The following PLA2G4B variants were observed in gnomAD, a reference collection of about 807,000 sequenced individuals.
PLA2G4B encodes phospholipase A2 group IVB.
A neutral mutation model predicts 95.8 loss-of-function variants in PLA2G4B; 122 were observed. That is an observed-to-expected ratio of 1.27 (90% confidence interval 1.10 to 1.48). The LOEUF is 1.48. Among genes scored for constraint, PLA2G4B ranks in the 40% most tolerant of loss-of-function variants. The probability of loss-of-function intolerance (pLI) is 0.00; values close to 1 mark genes in which losing one functional copy is unlikely to be tolerated. For missense variants in PLA2G4B, 1,158 were observed against 996.2 expected (o/e 1.16, Z -2.19); for synonymous variants, 518 against 421.5 (o/e 1.23, Z -2.80).
chr15:41,847,871 C>CTGCAGTGCAGCGGAGG lies in PLA2G4B; in HGVS notation c.*11_*12insTGCAGTGCAGCGGAGG, dbSNP rs773924457. ...CGCAGGCCCCACTGATGGCCGGGGC[C>CTGCAGTGCAGCGGAGG]CCTGCCACCCCTAACTCTCATTCAT... On this transcript the variant is annotated 3_prime_UTR_variant, in exon 20 of 20. Coordinates refer to ENST00000458483, the MANE Select transcript of PLA2G4B (RefSeq NM_001114633.2). 1.9e-6 allele frequency: 3 copies of CTGCAGTGCAGCGGAGG among 1,609,356 alleles called. No individual in the cohort carries two copies. The African/African-American group carries it at 4.0e-5, about 21-fold the overall frequency.
rs1374475292 is a variant in PLA2G4B, at chr15:41,847,335, A to AGCAGTT, written c.1951_1956dup. The AGCAGTT allele has an allele frequency of 6.3e-7, 1 of 1,593,074 alleles. No individual in the cohort carries two copies. The highest frequency in any genetic ancestry group is 8.6e-7 in the Non-Finnish European group (1 of 1,166,638). On this transcript the variant is annotated splice_acceptor_variant, in intron 18 of 19. Transcript: ENST00000458483. LOFTEE classifies it high-confidence loss of function. Reference sequence around the variant, plus strand: ...CTGAAGCCCCTTCTGCCTGCCCTGCAGCAGTTGCAGCTCCTGGGCCGGTTC... The same window carrying AGCAGTT: ...CTGAAGCCCCTTCTGCCTGCCCTGCAGCAGTTGCAGTTGCAGCTCCTGGGCCGGTTC...
rs1298495939 is a variant in PLA2G4B, at chr15:41,841,862, G to A, written c.534G>A (p.Glu178=). ...RVQLVVPGSC[E]GPQEASVGTG... Reference sequence around the variant, plus strand: ...AGCTTGTGGTTCCTGGGTCCTGTGAGGGTCCGCAGGAGGCCTCTGTGGGCA... The same window carrying A: ...AGCTTGTGGTTCCTGGGTCCTGTGAAGGTCCGCAGGAGGCCTCTGTGGGCA... The change falls in exon 8 of 20, where the codon GAG becomes GAA. Residue 178 remains glutamate, a synonymous_variant. Transcript: ENST00000458483. 4 of 1,613,466 alleles carry A rather than the reference G, an allele frequency of 2.5e-6. No homozygotes were observed. Among genetic ancestry groups the A allele is most frequent in the Non-Finnish European group, 3.4e-6 (4 of 1,179,874 alleles).
rs79185588 is a variant in PLA2G4B at position 41,844,209 on chromosome 15, C to T, written c.880-262C>T. ...GGCCCTGGGGCTTCCAGAAAGTGAG[C>T]GTCAGGCTCGGGGGCTGAGGGCAAG... On this transcript the variant is annotated intron_variant, in intron 11 of 19. Transcript: ENST00000458483. Among the ~76,000 whole-genome samples the T allele has an allele frequency of 5.2e-4, 79 of 152,304 alleles. 1 individual carries two copies. The East Asian group carries it at 0.014, about 26-fold the overall frequency.
intron 10 of PLA2G4B, chr15:41,843,350 G>A (rs2140892774): frequency 8.2e-6 from 2 of 243,608 alleles, no homozygotes; most frequent in Admixed American, 5.5e-5. Context: ...TTTGAACTCC[G>A]TGGGTAAGGG....
At chr15:41,840,418 C>T in intron 2 of PLA2G4B, 106 bp from the exon 3 acceptor site, 1 of 1,596,048 alleles carries the variant, frequency 6.3e-7, no homozygotes, top group Non-Finnish European at 8.5e-7. Context: ...CACTTCCCCT[C>T]CCCCTCAGTC....
Position 41,840,551 on chromosome 15 carries a change from T to C in PLA2G4B, c.110T>C (p.Leu37Pro). 6.2e-7 allele frequency: 1 copy of C among 1,613,902 alleles called. No homozygotes were observed. Among genetic ancestry groups the C allele is most frequent in the Non-Finnish European group, 8.5e-7 (1 of 1,180,016 alleles). ...ACCCCCTCTGACTGCTACGTGACTC[T>C]CTGGCTGCCCACGGCCTGCAGCCAC... Reference protein sequence around the residue: ...LVTPSDCYVTLWLPTACSHRL... With the variant: ...LVTPSDCYVTPWLPTACSHRL... Residue 37 changes from leucine (L) to proline (P), a missense_variant, in exon 3 of 20, where the codon CTC (leucine) becomes CCC (proline). Physicochemically the swap from Leu to Pro is moderately conservative, Grantham distance 98. Transcript: ENST00000458483.
rs761049094 is a variant in PLA2G4B at position 41,848,045 on chromosome 15, A to G, written c.*185A>G. On this transcript the variant is annotated 3_prime_UTR_variant, in exon 20 of 20. Coordinates refer to ENST00000458483, the MANE Select transcript of PLA2G4B (RefSeq NM_001114633.2). Reference sequence around the variant, plus strand: ...GCAGTGGGGTAAGGAGGCCAAGCCCATTTGTGTAATCACCCAAAACCCCCC... The same window carrying G: ...GCAGTGGGGTAAGGAGGCCAAGCCCGTTTGTGTAATCACCCAAAACCCCCC... 5 of 768,974 alleles carry G rather than the reference A, an allele frequency of 6.5e-6. No homozygotes were observed. The East Asian group carries it at 8.1e-5, about 12-fold the overall frequency. The allele number at this position is 768,974 out of a possible 1,614,324, so 47.6% of individuals were successfully genotyped here.
intron 18 of PLA2G4B, 104 bp from the exon 19 acceptor site, chr15:41,847,233 C>A: frequency 6.8e-7 from 1 of 1,480,782 alleles, no homozygotes; most frequent in Non-Finnish European, 9.0e-7. Context: ...CACTGGAGAC[C>A]GTTTTGGCAT....
At chr15:41,845,806 G>A in intron 15 of PLA2G4B, 31 bp downstream of exon 15, 3 of 1,565,666 alleles carry the variant, frequency 1.9e-6, no homozygotes, top group Non-Finnish European at 2.6e-6. Flanking sequence ...GGGGAAGCTG[G>A]GCCGAGCAGG....
intron 18 of PLA2G4B, 111 bp from the exon 19 acceptor site, chr15:41,847,226 T>C: frequency 6.8e-7 from 1 of 1,472,730 alleles, no homozygotes. Flanking sequence ...TAGGCCCCAC[T>C]GGAGACCGTT....
At chr15:41,844,645 CA>C in intron 12 of PLA2G4B, 38 bp downstream of exon 12, 8 of 1,613,074 alleles carry the variant, frequency 5.0e-6, no homozygotes, top group Non-Finnish European at 6.8e-6. Context: ...CCCTGTGTGG[CA>C]GGGGGTGCTG....
In PLA2G4B at chr15:41,846,671, A is replaced by G; in HGVS notation, c.1783A>G (p.Thr595Ala). 1 of 1,605,012 alleles carries G rather than the reference A, an allele frequency of 6.2e-7. No homozygotes were observed. Among genetic ancestry groups the G allele is most frequent in the Non-Finnish European group, 8.5e-7 (1 of 1,173,874 alleles). ...QHPHFSTWKA[T>A]TLDGLPNQLT... ...TGCTGCTCTCCCCAACCTTCCAGCT[A>G]CCACTCTGGATGGGCTCCCCAACCA... Residue 595 changes from threonine to alanine, a missense_variant and splice_region_variant, in exon 18 of 20, where the codon ACC (threonine) becomes GCC (alanine). By Grantham distance (58) the Thr-to-Ala change is moderately conservative. Transcript: ENST00000458483.
chr15:41,843,712 C>G lies in PLA2G4B; in HGVS notation c.780C>G (p.Pro260=). ...RELAVRLGFG[P]CAEEQAFLSR... ...TGGCCGTGCGACTGGGCTTCGGGCCCTGTGCAGAGGAGCAGGCCTTCCTGA... is the reference window on the plus strand; with the variant it reads ...TGGCCGTGCGACTGGGCTTCGGGCCGTGTGCAGAGGAGCAGGCCTTCCTGA... Residue 260 remains proline, a synonymous_variant, in exon 11 of 20, where the codon CCC becomes CCG. Coordinates refer to ENST00000458483, the MANE Select transcript of PLA2G4B (RefSeq NM_001114633.2). The G allele has an allele frequency of 6.2e-7, 1 of 1,613,974 alleles. No individual in the cohort carries two copies. Among genetic ancestry groups the G allele is most frequent in the Non-Finnish European group, 8.5e-7 (1 of 1,179,996 alleles).
rs374136493 is a variant in PLA2G4B at position 41,847,097 on chromosome 15, G to T, written c.1948-240G>T. ...GCCTCTGGGCCCACCTGCTGAGTCTGCTTTGGCTCCCAGTGTCAGAACTGG... is the reference window on the plus strand; with the variant it reads ...GCCTCTGGGCCCACCTGCTGAGTCTTCTTTGGCTCCCAGTGTCAGAACTGG... On this transcript the variant is annotated intron_variant, in intron 18 of 19. Transcript: ENST00000458483. 3.9e-5 allele frequency among the ~76,000 whole-genome samples: 6 copies of T among 152,306 alleles called. No individual in the cohort carries two copies. The South Asian group carries it at 8.3e-4, about 21-fold the overall frequency.
intron 14 of PLA2G4B, 121 bp downstream of exon 14, chr15:41,845,441 T>G: frequency 2.7e-6 from 4 of 1,461,728 alleles, no homozygotes; most frequent in Non-Finnish European, 3.7e-6. Context: ...CCGTGCTTTC[T>G]GGAGACCGGC....
rs771717565 is a variant in PLA2G4B at position 41,845,253 on chromosome 15, G to A, written c.1290G>A (p.Gln430=). 6 of 1,614,196 alleles carry A rather than the reference G, an allele frequency of 3.7e-6. No homozygotes were observed. Among genetic ancestry groups the A allele is most frequent in the Non-Finnish European group, 5.1e-6 (6 of 1,180,022 alleles). ...AACGGGAGGCCCTGAGTCATGGCCAGAACCCTCTGCCCATCTACTGTGCCC... is the reference window on the plus strand; with the variant it reads ...AACGGGAGGCCCTGAGTCATGGCCAAAACCCTCTGCCCATCTACTGTGCCC... ...SDQREALSHG[Q]NPLPIYCALN... The change falls in exon 14 of 20, where the codon CAG becomes CAA. Residue 430 remains glutamine (Q), a synonymous_variant. Transcript: ENST00000458483.
chr15:41,844,560 C>T lies in PLA2G4B; in HGVS notation c.969C>T (p.Gly323=), dbSNP rs916183372. 1 of 1,614,180 alleles carries T rather than the reference C, an allele frequency of 6.2e-7. No individual in the cohort carries two copies. Among genetic ancestry groups the T allele is most frequent in the Non-Finnish European group, 8.5e-7 (1 of 1,180,030 alleles). The part of the protein sequence containing the change: ...YGQLAGLKEL[G]LLDCVSYITG... ...AGCTGGCTGGCCTGAAGGAGCTGGG[C>T]CTCTTGGATTGCGTCTCCTACATCA... Residue 323 remains glycine (G), a synonymous_variant, in exon 12 of 20, where the codon GGC becomes GGT. Coordinates refer to ENST00000458483, the MANE Select transcript of PLA2G4B (RefSeq NM_001114633.2).
intron 10 of PLA2G4B, 52 bp downstream of exon 10, chr15:41,842,643 CG>C: frequency 6.3e-7 from 1 of 1,595,770 alleles, no homozygotes; most frequent in Non-Finnish European, 8.5e-7. Context: ...AACCAGGGTG[CG>C]GGGCTGGAGG....
intron 10 of PLA2G4B, chr15:41,842,937 C>T (rs1352971274): frequency 2.0e-5 from 6 of 297,716 alleles, no homozygotes; most frequent in East Asian, 1.7e-4. Context: ...GGGGAAATTG[C>T]GCCCTTTTGG....
Sources: allele counts gnomAD v4.1 joint callset (sites outside exome capture counted in the v4.1 genomes callset), GRCh38; gene constraint gnomAD v4.1.1; transcripts MANE v1.5; gene names NCBI Gene and HGNC (gene_info 2026-07-23, HGNC 2026-07-21).